Variants in ATP13A3 observed in about 807,000 individuals in gnomAD.
The protein encoded by ATP13A3 is ATPase 13A3, also known as polyamine-transporting ATPase 13A3.
A neutral mutation model predicts 158.1 loss-of-function variants in ATP13A3; 59 were observed. That is an observed-to-expected ratio of 0.37 (90% CI 0.30 to 0.46). The LOEUF (loss-of-function observed/expected upper bound fraction) is 0.46. Ranked by LOEUF, ATP13A3 falls within the 20% of genes least tolerant of loss-of-function variation. The probability of loss-of-function intolerance (pLI) is 1.00; values close to 1 mark genes in which losing one functional copy is unlikely to be tolerated. For synonymous variants in ATP13A3, 491 were observed against 504.3 expected, an observed-to-expected ratio of 0.97 and a Z score of 0.35; for missense variants, 1,166 against 1,525.2, an observed-to-expected ratio of 0.76 and a Z score of 3.92.
chr3:194,430,496 C>G (rs984933678), intron 24 of ATP13A3, among the ~76,000 whole-genome samples, 181 bp from the exon 25 acceptor site: 1 of 152,152 alleles, frequency 6.6e-6, no homozygotes, highest in Admixed American at 6.6e-5. Flanking sequence ...AGCACCAGAC[C>G]ACAAGTGAAA....
upstream of ATP13A3, among the ~76,000 whole-genome samples, chr3:194,491,079 G>C (rs1721140877): frequency 6.6e-6 from 1 of 152,196 alleles, no homozygotes; most frequent in African/African-American, 2.4e-5. Context: ...AGGAGGCAGA[G>C]GCTGCAGTGA....
chr3:194,484,656 C>T (rs6781012), intron 2 of ATP13A3, among the ~76,000 whole-genome samples: 21,713 of 152,124 alleles, frequency 0.14, 2,746 homozygotes, highest in African/African-American at 0.34. Context: ...GGTTTATAAT[C>T]TCGAAAATCT....
intron 2 of ATP13A3, among the ~76,000 whole-genome samples, chr3:194,479,073 C>G (rs1281045635): frequency 1.3e-5 from 2 of 152,036 alleles, no homozygotes; most frequent in Non-Finnish European, 2.9e-5. Context: ...CACTATGGGC[C>G]GCACCAGAGA....
chr3:194,485,624 A>G (rs752393897), intron 2 of ATP13A3, among the ~76,000 whole-genome samples, 170 bp downstream of exon 2: 12 of 152,338 alleles, frequency 7.9e-5, no homozygotes, highest in Admixed American at 2.0e-4. Context: ...TAAAGTAGCC[A>G]TGACATACCC....
chr3:194,477,253 C>T (rs1720564339), intron 2 of ATP13A3, among the ~76,000 whole-genome samples: 1 of 152,160 alleles, frequency 6.6e-6, no homozygotes, highest in South Asian at 2.1e-4. Flanking sequence ...CTTTCTCCCA[C>T]CTCTGCAGGT....
chr3:194,477,269 A>T (rs1268439431), intron 2 of ATP13A3, among the ~76,000 whole-genome samples: 1 of 152,144 alleles, frequency 6.6e-6, no homozygotes, highest in Non-Finnish European at 1.5e-5. Context: ...CAGGTATCAG[A>T]GCACTTTTCC....
chr3:194,476,094 C>G (rs1720511465), intron 2 of ATP13A3, among the ~76,000 whole-genome samples: 1 of 152,164 alleles, frequency 6.6e-6, no homozygotes, highest in African/African-American at 2.4e-5. Flanking sequence ...GTCTAGATTC[C>G]TAAGATAGCC....
intron 2 of ATP13A3, among the ~76,000 whole-genome samples, chr3:194,472,999 T>C (rs1366832807): frequency 2.6e-5 from 4 of 151,988 alleles, no homozygotes; most frequent in African/African-American, 7.3e-5. Flanking sequence ...TGGCAATGAC[T>C]AGATGAAGGA....
At position 194,494,107 on chromosome 3, in the gene ATP13A3, C is replaced by T. The variant is rs1721177928; in HGVS notation, n.689G>A. The stretch of plus-strand genomic sequence containing the variant: ...CTTTGCTCCAGGGCCAAACTCTTGA[C>T]CACTATAACCAAATGAAGCCAGAGT... On this transcript the variant is annotated non_coding_transcript_exon_variant, in exon 2 of 33. Coordinates refer to the ATP13A3 transcript ENST00000687055. This position sits in a 1 kb window ranked among gnomAD's most constrained non-coding sequence, Gnocchi z 4.2. 5.0e-6 allele frequency: 2 copies of T among 398,428 alleles called. No homozygotes were observed. Among genetic ancestry groups the T allele is most frequent in the Non-Finnish European group, 8.8e-6 (2 of 226,068 alleles). 24.7% of individuals were successfully genotyped at this position (398,428 alleles called of 1,614,324 possible).
chr3:194,437,591 CA>C lies in ATP13A3; in HGVS notation c.1828-19del, dbSNP rs1717747689. 1.3e-6 allele frequency: 2 copies of C among 1,591,962 alleles called. No individual in the cohort carries two copies. The highest frequency in any genetic ancestry group is 1.7e-6 in the Non-Finnish European group (2 of 1,166,914). ...AACAGCTCCTAAAAACGAAACAAAA[CA>C]AGAAAAAATAGTACAGATTAACTCT... On this transcript the variant is annotated intron_variant, in intron 17 of 33. Transcript: ENST00000645319.
chr3:194,458,467 C>A (rs1286297436), intron 6 of ATP13A3, among the ~76,000 whole-genome samples: 5 of 152,162 alleles, frequency 3.3e-5, no homozygotes, highest in African/African-American at 1.2e-4. Flanking sequence ...CAGCTCACTG[C>A]AACCTCCGGC....
intron 17 of ATP13A3, 48 bp downstream of exon 17, chr3:194,438,808 A>G: frequency 8.0e-7 from 1 of 1,246,946 alleles, no homozygotes; most frequent in African/African-American, 1.5e-5. Flanking sequence ...TTAAAAATAA[A>G]TATAAGTAAC....
intron 2 of ATP13A3, among the ~76,000 whole-genome samples, chr3:194,492,228 C>T (rs1415055383): frequency 1.3e-5 from 2 of 152,256 alleles, no homozygotes; most frequent in Admixed American, 6.5e-5. Context: ...AACGCACCAA[C>T]CTCTTTCCTG....
chr3:194,459,513 T>G lies in ATP13A3; in HGVS notation c.437A>C (p.Lys146Thr), dbSNP rs1719483204. The change falls in exon 6 of 34, where the codon AAA (lysine) becomes ACA (threonine). Residue 146 changes from lysine to threonine, a missense_variant. Physicochemically the swap from Lys to Thr is moderately conservative, Grantham distance 78. Transcript: ENST00000645319. The part of the protein sequence containing the change: ...QIRYFTHHSV[K>T]YFWNDTIHNF... ...GTGAATGGTATCATTCCAGAAATAT[T>G]TTACACTATGGTGGGTGAAATAACG... 2 of 1,603,974 alleles carry G rather than the reference T, an allele frequency of 1.2e-6. No individual in the cohort carries two copies. Among genetic ancestry groups the G allele is most frequent in the African/African-American group, 1.3e-5 (1 of 74,600 alleles).
intron 17 of ATP13A3, among the ~76,000 whole-genome samples, chr3:194,438,596 G>C (rs1392998443): frequency 6.6e-6 from 1 of 152,122 alleles, no homozygotes; most frequent in African/African-American, 2.4e-5. Flanking sequence ...GTTAAATAAA[G>C]GACTTGTGAC....
At chr3:194,419,187 G>A (rs1716110576) in intron 31 of ATP13A3, among the ~76,000 whole-genome samples, 4 of 152,044 alleles carry the variant, frequency 2.6e-5, no homozygotes, top group Admixed American at 2.0e-4. Flanking sequence ...AGAAAAAAGG[G>A]AACAAGATAA....
At chr3:194,425,230 T>G in intron 30 of ATP13A3, 112 bp downstream of exon 30, 2 of 1,018,810 alleles carry the variant, frequency 2.0e-6, no homozygotes, top group Non-Finnish European at 2.9e-6. Context: ...ACTAAGTTGA[T>G]TCTATCTGTG....
At chr3:194,460,044 A>G in intron 4 of ATP13A3, 73 bp from the exon 5 acceptor site, 1 of 1,229,498 alleles carries the variant, frequency 8.1e-7, no homozygotes, top group Non-Finnish European at 1.1e-6. Flanking sequence ...TTTATTTTCC[A>G]TTCTTTACAA....
intron 31 of ATP13A3, among the ~76,000 whole-genome samples, chr3:194,417,958 CGGAAGGAA>C (rs1198337838): frequency 1.4e-4 from 11 of 76,786 alleles, no homozygotes; most frequent in Non-Finnish European, 1.7e-4. Flanking sequence ...GACGGACGGA[CGGAAGGAA>C]GGAAGGAAGG....
Sources: gnomAD v4.1 joint callset for allele counts (sites outside exome capture counted in the v4.1 genomes callset) on GRCh38, gnomAD v4.1.1 for gene constraint, Gnocchi (gnomAD v3.1) non-coding constraint, MANE v1.5 for transcripts, NCBI Gene and HGNC (gene_info 2026-07-23, HGNC 2026-07-21) for gene names.